Variants in RHOU observed in about 807,000 individuals in gnomAD.
RHOU encodes rho-related GTP-binding protein RhoU.
In RHOU, 8 loss-of-function variants were observed where a neutral mutation model predicts 12.6. The observed-to-expected ratio is 0.64, with a 90% CI of 0.37 to 1.15. The LOEUF (loss-of-function observed/expected upper bound fraction) is 1.15. Among genes scored for constraint, RHOU ranks in the 50% most tolerant of loss-of-function variants. The pLI, the probability that RHOU is intolerant of heterozygous loss-of-function variation, is 0.01. For missense variants in RHOU, 258 were observed against 347.0 expected (o/e 0.74, Z 2.04); for synonymous variants, 161 against 147.4 (o/e 1.09, Z -0.67).
chr1:228,701,414 T>C, the RHOU span, among the ~76,000 whole-genome samples: 3 of 152,134 alleles, frequency 2.0e-5, no homozygotes, highest in Admixed American at 6.6e-5. Flanking sequence ...AGAATCTATC[T>C]CTCCTTTTCT....
At chr1:228,679,789 CAAG>C in the RHOU span, among the ~76,000 whole-genome samples, 3 of 151,692 alleles carry the variant, frequency 2.0e-5, no homozygotes, top group Non-Finnish European at 4.4e-5. Context: ...CATCCATCCT[CAAG>C]GAGGGAGTAG....
chr1:228,708,565 A>T, the RHOU span, among the ~76,000 whole-genome samples: 1 of 152,104 alleles, frequency 6.6e-6, no homozygotes, highest in Admixed American at 6.5e-5. Flanking sequence ...ACTAAACTTC[A>T]TAAGTAAAGG....
chr1:228,709,847 T>A, the RHOU span, among the ~76,000 whole-genome samples: 2 of 152,014 alleles, frequency 1.3e-5, no homozygotes, highest in African/African-American at 2.4e-5. Context: ...CAAAAAACCC[T>A]TCAAAAAATT....
rs1662759889 is a variant in RHOU at position 228,743,252 on chromosome 1, A to G, written c.322-33A>G. ...CTTTTTACTGATGAGAATTCATGAA[A>G]ACATAACTTTTGGGTACTTTGCTTG... is the stretch of plus-strand genomic sequence containing the variant. On this transcript the variant is annotated intron_variant, in intron 2 of 2. Transcript: ENST00000366691. This position sits in a 1 kb window ranked among gnomAD's most constrained non-coding sequence, Gnocchi z 5.1. 6.3e-7 allele frequency: 1 copy of G among 1,582,594 alleles called. No homozygotes were observed. Among genetic ancestry groups the G allele is most frequent in the Non-Finnish European group, 8.7e-7 (1 of 1,152,936 alleles).
intron 2 of RHOU, among the ~76,000 whole-genome samples, chr1:228,741,964 T>C (rs1662733565): frequency 6.6e-6 from 1 of 152,212 alleles, no homozygotes; most frequent in Non-Finnish European, 1.5e-5. Flanking sequence ...ATGAAGAAAG[T>C]ACATTCAAAT....
the RHOU span, among the ~76,000 whole-genome samples, chr1:228,670,786 GA>G: frequency 6.6e-6 from 1 of 152,160 alleles, no homozygotes; most frequent in Non-Finnish European, 1.5e-5. Flanking sequence ...TCATGATAGT[GA>G]GTGAGTTCTC....
At chr1:228,667,584 C>A in the RHOU span, among the ~76,000 whole-genome samples, 1 of 152,228 alleles carries the variant, frequency 6.6e-6, no homozygotes, top group African/African-American at 2.4e-5. Flanking sequence ...CTCCAGGCCT[C>A]TCTCTGGCCT....
At chr1:228,726,656 C>G in the RHOU span, among the ~76,000 whole-genome samples, 1 of 146,628 alleles carries the variant, frequency 6.8e-6, no homozygotes, top group Non-Finnish European at 1.5e-5. Context: ...GACAGTGAGA[C>G]TCCATCTCAA....
chr1:228,673,700 G>T, the RHOU span, among the ~76,000 whole-genome samples: 2 of 152,156 alleles, frequency 1.3e-5, no homozygotes, highest in African/African-American at 4.8e-5. Context: ...TAAGTTTCCT[G>T]AGGCCTTCTC....
At chr1:228,680,790 G>T in the RHOU span, among the ~76,000 whole-genome samples, 2 of 152,150 alleles carry the variant, frequency 1.3e-5, no homozygotes, top group Non-Finnish European at 2.9e-5. Flanking sequence ...TTTACCTTGG[G>T]TAGTTTCTTT....
chr1:228,659,971 A>C, the RHOU span, among the ~76,000 whole-genome samples: 1,735 of 117,188 alleles, frequency 0.015, 43 homozygotes, highest in African/African-American at 0.041. Context: ...AAAAACAAAA[A>C]AAAAAAAAAA....
At chr1:228,708,324 C>A in the RHOU span, among the ~76,000 whole-genome samples, 1 of 151,688 alleles carries the variant, frequency 6.6e-6, no homozygotes, top group Non-Finnish European at 1.5e-5. Context: ...AAAGATACTC[C>A]TCGAGAAGAG....
chr1:228,724,173 A>T, the RHOU span, among the ~76,000 whole-genome samples: 2 of 152,146 alleles, frequency 1.3e-5, no homozygotes, highest in Non-Finnish European at 2.9e-5. Flanking sequence ...TCTCGGCCTC[A>T]CATGTAGTGG....
chr1:228,711,566 C>T, the RHOU span, among the ~76,000 whole-genome samples: 2 of 152,094 alleles, frequency 1.3e-5, no homozygotes, highest in African/African-American at 4.8e-5. Flanking sequence ...GGAAAGGATT[C>T]CCTATTTAAT....
In RHOU at chr1:228,735,691, G is replaced by T; in HGVS notation, c.-52G>T. 2 of 1,182,450 alleles carry T rather than the reference G, an allele frequency of 1.7e-6. No homozygotes were observed. Among genetic ancestry groups the T allele is most frequent in the South Asian group, 8.5e-5 (2 of 23,578 alleles). 73.2% of individuals were successfully genotyped at this position (1,182,450 alleles called of 1,614,324 possible). A position where few individuals can be genotyped will look rare whatever the true frequency, so the allele number is the denominator to read the frequency against. On this transcript the variant is annotated 5_prime_UTR_variant, in exon 1 of 3. Coordinates refer to ENST00000366691, the MANE Select transcript of RHOU (RefSeq NM_021205.6). The surrounding 1 kb of genome is among the most constrained non-coding windows in gnomAD (Gnocchi z 8.1). ...CCGCAACCCTCCGGGGCGGAGGGGC[G>T]GTCGGGCCGGGCCCTGCTAGCCCGC...
At position 228,746,138 on chromosome 1, in the gene RHOU, A is replaced by G. The variant is rs542102968; in HGVS notation, c.*2398A>G. On this transcript the variant is annotated 3_prime_UTR_variant, in exon 3 of 3. Coordinates refer to ENST00000366691, the MANE Select transcript of RHOU (RefSeq NM_021205.6). ...AACAGTTTTTAAAATATATTGCTGC[A>G]TTTTATAGAATAGTAAAGGTACGAT... 1 of 152,224 alleles carries G rather than the reference A, an allele frequency of 6.6e-6. No individual in the cohort carries two copies. Among genetic ancestry groups the G allele is most frequent in the Non-Finnish European group, 1.5e-5 (1 of 68,040 alleles). The allele number at this position is 152,224 out of a possible 1,614,324, so 9.4% of individuals were successfully genotyped here.
chr1:228,704,121 T>C, the RHOU span, among the ~76,000 whole-genome samples: 5 of 152,172 alleles, frequency 3.3e-5, no homozygotes, highest in African/African-American at 1.2e-4. Flanking sequence ...AGTGGAAGGC[T>C]CATCAAGGAC....
At chr1:228,728,110 G>A in the RHOU span, among the ~76,000 whole-genome samples, 1 of 152,336 alleles carries the variant, frequency 6.6e-6, no homozygotes, top group South Asian at 2.1e-4. Flanking sequence ...TCATCAAAGA[G>A]GAATGGCAGG....
chr1:228,707,070 C>A, the RHOU span, among the ~76,000 whole-genome samples: 1 of 140,706 alleles, frequency 7.1e-6, no homozygotes, highest in Non-Finnish European at 1.5e-5. Flanking sequence ...TTAAGCAAGA[C>A]GCTGCCTTTG....
Sources: allele counts gnomAD v4.1 joint callset (sites outside exome capture counted in the v4.1 genomes callset), GRCh38; gene constraint gnomAD v4.1.1; non-coding constraint Gnocchi (gnomAD v3.1); transcripts MANE v1.5; gene names NCBI Gene and HGNC (gene_info 2026-07-23, HGNC 2026-07-21).